The following CRAT variants were observed in gnomAD, a reference collection of about 807,000 sequenced individuals.
The protein encoded by CRAT is carnitine acetylase.
CRAT carries 66 observed loss-of-function variants against 73.7 expected under a neutral mutation model. The observed-to-expected ratio is 0.90, with a 90% CI of 0.73 to 1.10. The LOEUF is 1.10. CRAT is among the 50% of genes least tolerant of loss of function. The probability of loss-of-function intolerance (pLI) is 0.00; values close to 1 mark genes in which losing one functional copy is unlikely to be tolerated. For synonymous variants in CRAT, 321 were observed against 343.2 expected (o/e 0.94, Z 0.71); for missense variants, 745 against 846.9 (o/e 0.88, Z 1.49).
At chr9:129,099,031 A>T (rs1406540701) in intron 8 of CRAT, among the ~76,000 whole-genome samples, 1 of 149,622 alleles carries the variant, frequency 6.7e-6, no homozygotes, top group East Asian at 2.0e-4. Context: ...GGCTGGAGCA[A>T]TGGAACGATC....
Position 129,104,196 on chromosome 9 carries a change from A to T in CRAT, c.402T>A (p.Gly134=), listed in dbSNP as rs768077356. The change falls in exon 3 of 14, where the codon GGT becomes GGA. Residue 134 remains glycine (G), a synonymous_variant. Coordinates refer to ENST00000318080, the MANE Select transcript of CRAT (RefSeq NM_000755.5). ...AAACCCCAGCCACTCACCGGAGCTGACCCTGCAGGTCCACGAAGTCCTGCT... is the reference window on the plus strand; with the variant it reads ...AAACCCCAGCCACTCACCGGAGCTGTCCCTGCAGGTCCACGAAGTCCTGCT... ...LPKQDFVDLQ[G]QLRFAAKLIE... 10 of 1,607,764 alleles carry T rather than the reference A, an allele frequency of 6.2e-6. No homozygotes were observed. The highest frequency in any genetic ancestry group is 4.0e-5 in the African/African-American group (3 of 74,656).
intron 12 of CRAT, among the ~76,000 whole-genome samples, chr9:129,097,030 T>C (rs1847318459): frequency 6.7e-6 from 1 of 149,172 alleles, no homozygotes; most frequent in Admixed American, 6.7e-5. Flanking sequence ...ATCACACCAC[T>C]GCACTCCAGC....
rs150910662 is a variant in CRAT at position 129,110,211 on chromosome 9, C to CT, written c.27+271dup. Among the ~76,000 whole-genome samples the CT allele has an allele frequency of 0.014, 2,160 of 152,278 alleles. 56 individuals carry two copies. Among genetic ancestry groups the CT allele is most frequent in the African/African-American group, 0.049 (2,024 of 41,554 alleles). On this transcript the variant is annotated intron_variant, in intron 1 of 13. Coordinates refer to ENST00000318080, the MANE Select transcript of CRAT (RefSeq NM_000755.5). This position sits in a 1 kb window ranked among gnomAD's most constrained non-coding sequence, Gnocchi z 5.3. ...CTCCCCTACCGGCCTGTCTCTGGGT[C>CT]TAAGGGTGGGGGTGCTAACTGAAGC... is the stretch of plus-strand genomic sequence containing the variant.
chr9:129,101,490 T>C (rs17508598), intron 6 of CRAT, among the ~76,000 whole-genome samples: 6,112 of 152,296 alleles, frequency 0.04, 394 homozygotes, highest in African/African-American at 0.14. Flanking sequence ...AGTGGACAGA[T>C]GTGCAGGCTC....
At chr9:129,097,748 C>T in intron 11 of CRAT, 1 of 481,646 alleles carries the variant, frequency 2.1e-6, no homozygotes, top group Non-Finnish European at 3.7e-6. Flanking sequence ...ATTGCAACTA[C>T]CAACTCCTTG....
At position 129,098,025 on chromosome 9, in the gene CRAT, G is replaced by A. The variant is rs113981850; in HGVS notation, c.1452C>T (p.Asp484=). 1,222 of 1,613,828 alleles carry A rather than the reference G, an allele frequency of 7.6e-4. 14 individuals are homozygous for A. The East Asian group carries it at 0.015, about 20-fold the overall frequency. Residue 484 remains aspartate (D), a synonymous_variant, in exon 11 of 14, where the codon GAC becomes GAT. Coordinates refer to ENST00000318080, the MANE Select transcript of CRAT (RefSeq NM_000755.5). ...DSLTFVKAMD[D]SSVTEHQKVE... Reference sequence around the variant, plus strand: ...CCAGACCTCTCACCGTGACGCTGGAGTCATCCATGGCCTTGACAAAGGTGA... The same window carrying A: ...CCAGACCTCTCACCGTGACGCTGGAATCATCCATGGCCTTGACAAAGGTGA...
intron 3 of CRAT, 52 bp downstream of exon 3, chr9:129,104,136 G>A: frequency 7.1e-7 from 1 of 1,410,954 alleles, no homozygotes; most frequent in South Asian, 1.2e-5. Context: ...GCTGGGCGAA[G>A]TGAACTCGAG....
At chr9:129,099,142 CTTT>C (rs58079634) in intron 8 of CRAT, among the ~76,000 whole-genome samples, 2 of 130,344 alleles carry the variant, frequency 1.5e-5, no homozygotes. Flanking sequence ...GCGTGGCTAA[CTTT>C]TTTTTTTTTT....
In CRAT at chr9:129,107,402, A is replaced by G; in HGVS notation, c.291+412T>C. The G allele has an allele frequency of 1.7e-6, 1 of 573,842 alleles. No homozygotes were observed. The highest frequency in any genetic ancestry group is 2.2e-5 in the South Asian group (1 of 44,794). 35.5% of individuals were successfully genotyped at this position (573,842 alleles called of 1,614,324 possible). On this transcript the variant is annotated intron_variant, in intron 2 of 13. Transcript: ENST00000318080. This position sits in a 1 kb window ranked among gnomAD's most constrained non-coding sequence, Gnocchi z 5.0. ...AAGCACACCAAACATTGGTGTAGAC[A>G]TATTTGCCAAACTGGGTACACCTGT...
intron 6 of CRAT, among the ~76,000 whole-genome samples, chr9:129,101,010 G>A (rs1467222245): frequency 6.6e-6 from 1 of 152,238 alleles, no homozygotes; most frequent in African/African-American, 2.4e-5. Flanking sequence ...ACCCACACAG[G>A]TGGTCTGACT....
Position 129,110,272 on chromosome 9 carries a change from T to G in CRAT, c.27+211A>C, listed in dbSNP as rs1031044640. On this transcript the variant is annotated intron_variant, in intron 1 of 13. Transcript: ENST00000318080. This position sits in a 1 kb window ranked among gnomAD's most constrained non-coding sequence, Gnocchi z 5.3. The stretch of plus-strand genomic sequence containing the variant: ...CTTGTCTTTCCTGGGTCGTTGGAAC[T>G]GAATGCTCCAGGACGTGGGTTTAAT... Among the ~76,000 whole-genome samples, 5 of 152,338 alleles carry G rather than the reference T, an allele frequency of 3.3e-5. No homozygotes were observed. The highest frequency in any genetic ancestry group is 2.0e-4 in the Admixed American group (3 of 15,310).
At position 129,110,138 on chromosome 9, in the gene CRAT, G is replaced by A. The variant is rs1473806507; in HGVS notation, c.27+345C>T. On this transcript the variant is annotated intron_variant, in intron 1 of 13. Coordinates refer to ENST00000318080, the MANE Select transcript of CRAT (RefSeq NM_000755.5). The surrounding 1 kb of genome is among the most constrained non-coding windows in gnomAD (Gnocchi z 5.3). ...TAAGCGTGCGACGGGTGTGTCAATC[G>A]GAGAATAACTGGGAGAGTGAGCTAG... Among the ~76,000 whole-genome samples, 1 of 152,148 alleles carries A rather than the reference G, an allele frequency of 6.6e-6. No homozygotes were observed. Among genetic ancestry groups the A allele is most frequent in the Admixed American group, 6.5e-5 (1 of 15,280 alleles).
rs749869835 is a variant in CRAT, at chr9:129,095,494, C to A, written c.1784G>T (p.Cys595Phe). The change falls in exon 14 of 14, where the codon TGC becomes TTC. Residue 595 changes from cysteine (C) to phenylalanine (F), a missense_variant. Coordinates refer to ENST00000318080, the MANE Select transcript of CRAT (RefSeq NM_000755.5). ...CAGGCGGGCGGCGTTGGTCTCCGCGCAGCTGTTGTAGGCCGACAGGGAGAA... is the reference window on the plus strand; with the variant it reads ...CAGGCGGGCGGCGTTGGTCTCCGCGAAGCTGTTGTAGGCCGACAGGGAGAA... ...INFSLSAYNSCAETNAARLAH... is the reference protein window; with the variant it reads ...INFSLSAYNSFAETNAARLAH... 120 of 1,613,418 alleles carry A rather than the reference C, an allele frequency of 7.4e-5. No homozygotes were observed. The highest frequency in any genetic ancestry group is 9.3e-5 in the Non-Finnish European group (110 of 1,180,016).
chr9:129,099,119 C>T (rs928898109), intron 8 of CRAT, among the ~76,000 whole-genome samples: 1 of 151,214 alleles, frequency 6.6e-6, no homozygotes, highest in Non-Finnish European at 1.5e-5. Flanking sequence ...GGATTACAGG[C>T]ACCCACCACC....
At position 129,107,836 on chromosome 9, in the gene CRAT, CG is replaced by C; in HGVS notation, c.268del (p.Arg90GlyfsTer33). The C allele has an allele frequency of 6.2e-7, 1 of 1,612,894 alleles. No individual in the cohort carries two copies. Among genetic ancestry groups the C allele is most frequent in the Non-Finnish European group, 8.5e-7 (1 of 1,180,020 alleles). ...CACCCAGTTCTCCGTCTTCCTGGCC[CG>C]ACGCTCCAGCCCCTTCTGCAGGCGC... ...GERLQKGLER[R>X]ARKTENWLSE... On this transcript the variant is annotated frameshift_variant, in exon 2 of 14. Coordinates refer to ENST00000318080, the MANE Select transcript of CRAT (RefSeq NM_000755.5). LOFTEE classifies it high-confidence loss of function. The surrounding 1 kb of genome is among the most constrained non-coding windows in gnomAD (Gnocchi z 5.0).
At chr9:129,101,333 G>A (rs1166302729) in intron 6 of CRAT, among the ~76,000 whole-genome samples, 2 of 152,128 alleles carry the variant, frequency 1.3e-5, no homozygotes, top group African/African-American at 4.8e-5. Context: ...TAAAAATAGG[G>A]GACAATAAGT....
chr9:129,104,582 G>C (rs559618075), intron 2 of CRAT, among the ~76,000 whole-genome samples: 1 of 148,768 alleles, frequency 6.7e-6, no homozygotes, highest in South Asian at 2.1e-4. Flanking sequence ...CCGGGGTGTG[G>C]GGAGGGGCAG....
chr9:129,098,020 C>G lies in CRAT; in HGVS notation c.1457G>C (p.Ser486Thr). Residue 486 changes from serine (S) to threonine (T), a missense_variant, in exon 11 of 14, where the codon AGC (serine) becomes ACC (threonine). Transcript: ENST00000318080. ...TCGCCCCAGACCTCTCACCGTGACG[C>G]TGGAGTCATCCATGGCCTTGACAAA... is the stretch of plus-strand genomic sequence containing the variant. ...LTFVKAMDDS[S>T]VTEHQKVELL... 3 of 1,613,682 alleles carry G rather than the reference C, an allele frequency of 1.9e-6. No homozygotes were observed. The highest frequency in any genetic ancestry group is 1.7e-6 in the Non-Finnish European group (2 of 1,179,996).
At chr9:129,109,292 G>C (rs1848226613) in intron 1 of CRAT, 12 of 1,303,644 alleles carry the variant, frequency 9.2e-6, no homozygotes, top group Non-Finnish European at 1.2e-5. Context: ...AATTAGGGTT[G>C]GTGCAAGGGA....
Sources: gnomAD v4.1 joint callset for allele counts (sites outside exome capture counted in the v4.1 genomes callset) on GRCh38, gnomAD v4.1.1 for gene constraint, Gnocchi (gnomAD v3.1) non-coding constraint, MANE v1.5 for transcripts, NCBI Gene and HGNC (gene_info 2026-07-23, HGNC 2026-07-21) for gene names.